DCC: variants seen among roughly 807,000 people sequenced by gnomAD.
DCC encodes netrin receptor DCC.
Under a neutral mutation model 172.5 loss-of-function variants are expected in DCC, and 58 were observed. The ratio of observed to expected loss-of-function variants is 0.34; its 90% CI spans 0.27 to 0.42. The LOEUF (loss-of-function observed/expected upper bound fraction) is 0.42. Ranked by LOEUF, DCC falls within the 10% of genes least tolerant of loss-of-function variation. The pLI is 1.00. For missense variants in DCC, 1,740 were observed against 1,791.0 expected (o/e 0.97, Z 0.51); for synonymous variants, 709 against 644.5 (o/e 1.10, Z -1.52).
rs942707991 is a variant in DCC at position 52,943,707 on chromosome 18, T to C, written c.985+18337T>C. Among the ~76,000 whole-genome samples, 3 of 150,970 alleles carry C rather than the reference T, an allele frequency of 2.0e-5. No individual in the cohort carries two copies. In the South Asian group the frequency reaches 6.3e-4, roughly 32 times the overall value. ...GGATATTCTGAGTTTATGTTGTAAA[T>C]TGTAATTTTCCAAAGGACTGGCAAT... On this transcript the variant is annotated intron_variant, in intron 5 of 28. Coordinates refer to ENST00000442544, the MANE Select transcript of DCC (RefSeq NM_005215.4).
At chr18:52,357,916 C>G (rs1037666247) in intron 1 of DCC, among the ~76,000 whole-genome samples, 1 of 138,302 alleles carries the variant, frequency 7.2e-6, no homozygotes, top group African/African-American at 2.7e-5. Flanking sequence ...CCAGCCTGGG[C>G]GACAGAGCGA....
At chr18:53,475,241 CCA>C (rs1246038529) in intron 25 of DCC, among the ~76,000 whole-genome samples, 2 of 152,160 alleles carry the variant, frequency 1.3e-5, no homozygotes, top group Admixed American at 6.5e-5. Flanking sequence ...AAAGAAAATC[CCA>C]TTTTCTGAGA....
intron 21 of DCC, among the ~76,000 whole-genome samples, chr18:53,423,475 A>G (rs544214390): frequency 6.6e-5 from 10 of 152,286 alleles, no homozygotes; most frequent in Admixed American, 2.0e-4. Context: ...CACATATGCC[A>G]CAATCACAAA....
chr18:52,974,679 C>T (rs1462730562), intron 5 of DCC, among the ~76,000 whole-genome samples: 5 of 152,126 alleles, frequency 3.3e-5, no homozygotes, highest in African/African-American at 1.2e-4. Flanking sequence ...CAGTATGTTA[C>T]CCTGTCATTT....
chr18:53,511,653 G>A (rs768151655), intron 27 of DCC, among the ~76,000 whole-genome samples: 2 of 152,232 alleles, frequency 1.3e-5, no homozygotes, highest in Admixed American at 6.5e-5. Flanking sequence ...CTTGGGAAGC[G>A]CAAGGGGTCA....
intron 5 of DCC, among the ~76,000 whole-genome samples, chr18:53,039,015 T>A (rs1221357519): frequency 2.6e-5 from 4 of 152,012 alleles, no homozygotes; most frequent in African/African-American, 9.7e-5. Context: ...AAAAAATATC[T>A]TGGAGAAATG....
At chr18:52,358,576 G>A (rs1404779755) in intron 1 of DCC, among the ~76,000 whole-genome samples, 3 of 152,160 alleles carry the variant, frequency 2.0e-5, no homozygotes, top group Non-Finnish European at 4.4e-5. Context: ...GCACTAGCAC[G>A]ACTCTACTGG....
chr18:52,624,436 G>T (rs1049584858), intron 1 of DCC, among the ~76,000 whole-genome samples: 1 of 152,116 alleles, frequency 6.6e-6, no homozygotes, highest in Non-Finnish European at 1.5e-5. Context: ...ATGGGAAAAT[G>T]TCTTAGTATC....
At chr18:52,990,020 C>T (rs1295556612) in intron 5 of DCC, among the ~76,000 whole-genome samples, 6 of 152,170 alleles carry the variant, frequency 3.9e-5, no homozygotes, top group Non-Finnish European at 4.4e-5. Context: ...GAAATAATTA[C>T]TGGATCTCCA....
intron 5 of DCC, among the ~76,000 whole-genome samples, chr18:52,942,652 T>A (rs1053605989): frequency 4.6e-5 from 7 of 152,184 alleles, no homozygotes; most frequent in African/African-American, 1.7e-4. Context: ...AACCATCAGA[T>A]CTTGTAAGAC....
chr18:53,391,578 A>G, intron 16 of DCC, 77 bp from the exon 17 acceptor site: 1 of 919,548 alleles, frequency 1.1e-6, no homozygotes, highest in Non-Finnish European at 1.8e-6. Context: ...GTGATGTGTT[A>G]CCACTGATAT....
At chr18:52,979,259 A>G (rs2041169034) in intron 5 of DCC, among the ~76,000 whole-genome samples, 1 of 152,176 alleles carries the variant, frequency 6.6e-6, no homozygotes, top group South Asian at 2.1e-4. Flanking sequence ...ATGAAGACGG[A>G]GGAGAGGGGA....
chr18:53,255,660 T>A (rs950584362), intron 12 of DCC, among the ~76,000 whole-genome samples: 17 of 152,226 alleles, frequency 1.1e-4, no homozygotes, highest in African/African-American at 4.1e-4. Context: ...TTGGGAATAG[T>A]GCCGCAGTAA....
rs375648369 is a variant in DCC at position 52,496,227 on chromosome 18, A to C, written c.91+155349A>C. On this transcript the variant is annotated intron_variant, in intron 1 of 28. Transcript: ENST00000442544. ...ATATCGACAAGGTAAATACAGGCCA[A>C]AGATAATTTTTTAGCTTATAATATT... is the stretch of plus-strand genomic sequence containing the variant. 9.7e-4 allele frequency among the ~76,000 whole-genome samples: 147 copies of C among 152,240 alleles called. 1 individual carries two copies. In the Middle Eastern group the frequency reaches 0.024, roughly 25 times the overall value.
chr18:53,296,426 A>T (rs750634672), intron 12 of DCC, among the ~76,000 whole-genome samples: 8 of 152,148 alleles, frequency 5.3e-5, no homozygotes, highest in Non-Finnish European at 1.2e-4. Flanking sequence ...TTTGTACCAT[A>T]ATCCTACGAG....
At chr18:53,377,390 G>GAGAGAGAGA (rs1907372825) in intron 15 of DCC, among the ~76,000 whole-genome samples, 10 of 80,558 alleles carry the variant, frequency 1.2e-4, no homozygotes, top group South Asian at 5.6e-4. Context: ...AGAGAGAGAG[G>GAGAGAGAGA]AAGAAGGCCA....
chr18:52,460,653 C>G (rs1177196399), intron 1 of DCC, among the ~76,000 whole-genome samples: 6 of 152,106 alleles, frequency 3.9e-5, no homozygotes, highest in Non-Finnish European at 7.3e-5. Flanking sequence ...TATGGTGTAG[C>G]CTATTGCTCC....
chr18:53,470,821 G>T (rs906191859), intron 25 of DCC, among the ~76,000 whole-genome samples: 1 of 152,140 alleles, frequency 6.6e-6, no homozygotes, highest in African/African-American at 2.4e-5. Context: ...GGGGGGAACT[G>T]CCCCAATGAG....
chr18:53,072,584 G>A (rs1412589455), intron 7 of DCC, among the ~76,000 whole-genome samples: 1 of 152,176 alleles, frequency 6.6e-6, no homozygotes, highest in African/African-American at 2.4e-5. Context: ...TCTGGGATGT[G>A]TTTAATATAG....
Sources: allele counts gnomAD v4.1 joint callset (sites outside exome capture counted in the v4.1 genomes callset), GRCh38; gene constraint gnomAD v4.1.1; transcripts MANE v1.5; gene names NCBI Gene and HGNC (gene_info 2026-07-23, HGNC 2026-07-21).